Variants in SLC24A3 observed in about 807,000 individuals in gnomAD.
The protein encoded by SLC24A3 is sodium/potassium/calcium exchanger 3.
SLC24A3 carries 28 observed loss-of-function variants against 75.8 expected under a neutral mutation model. That is an observed-to-expected ratio of 0.37 (90% CI 0.27 to 0.51). The LOEUF (loss-of-function observed/expected upper bound fraction) is 0.51, where lower values mean the gene tolerates loss of function less well. Among genes scored for constraint, SLC24A3 ranks in the 20% least tolerant of loss-of-function variants. The probability of loss-of-function intolerance (pLI) is 0.94; values close to 1 mark genes in which losing one functional copy is unlikely to be tolerated. For missense variants in SLC24A3, 663 were observed against 847.8 expected (o/e 0.78, Z 2.71); for synonymous variants, 372 against 334.1 (o/e 1.11, Z -1.24).
intron 2 of SLC24A3, among the ~76,000 whole-genome samples, chr20:19,285,477 C>CAAAAA (rs35866612): frequency 8.6e-4 from 37 of 42,956 alleles, no homozygotes; most frequent in South Asian, 1.4e-3. Flanking sequence ...GACCCTGTCT[C>CAAAAA]AAAAAAAAAA....
chr20:19,567,000 A>G (rs1209898555), intron 3 of SLC24A3, among the ~76,000 whole-genome samples: 1 of 152,236 alleles, frequency 6.6e-6, no homozygotes, highest in Non-Finnish European at 1.5e-5. Flanking sequence ...TTAAAAAGTC[A>G]AAAAATAATA....
At position 19,511,910 on chromosome 20, in the gene SLC24A3, CTT is replaced by C. The variant is rs1179080127; in HGVS notation, c.272-3576_272-3575del. Among the ~76,000 whole-genome samples the C allele has an allele frequency of 2.6e-5, 4 of 152,266 alleles. No homozygotes were observed. In the East Asian group the frequency reaches 5.8e-4, roughly 22 times the overall value. On this transcript the variant is annotated intron_variant, in intron 2 of 16. Coordinates refer to ENST00000328041, the MANE Select transcript of SLC24A3 (RefSeq NM_020689.4). The stretch of plus-strand genomic sequence containing the variant: ...TTGCTATTGGCCATCAAATAAGACT[CTT>C]TGTTTTTCTTGAAGAACAGTGGTTC...
intron 6 of SLC24A3, among the ~76,000 whole-genome samples, chr20:19,598,950 G>T (rs1292451323): frequency 3.3e-5 from 5 of 151,724 alleles, no homozygotes; most frequent in African/African-American, 1.2e-4. Flanking sequence ...TTTACTCCCA[G>T]TTGCTATTTT....
chr20:19,254,154 G>T (rs1282544274), intron 1 of SLC24A3, among the ~76,000 whole-genome samples: 2 of 152,312 alleles, frequency 1.3e-5, no homozygotes, highest in East Asian at 3.9e-4. Flanking sequence ...TATTCATCCT[G>T]ACTGTAGCCT....
chr20:19,292,502 C>T (rs1007999246), intron 2 of SLC24A3, among the ~76,000 whole-genome samples: 2 of 152,146 alleles, frequency 1.3e-5, no homozygotes, highest in African/African-American at 4.8e-5. Context: ...AGGTAAGCCT[C>T]CCCGTGGAGC....
intron 12 of SLC24A3, among the ~76,000 whole-genome samples, chr20:19,688,124 G>T (rs934357637): frequency 1.3e-5 from 2 of 152,204 alleles, no homozygotes; most frequent in African/African-American, 4.8e-5. Context: ...TTCTCTAGCA[G>T]CCCTTCTCAC....
chr20:19,523,929 A>C (rs1440138660), intron 3 of SLC24A3, among the ~76,000 whole-genome samples: 1 of 152,098 alleles, frequency 6.6e-6, no homozygotes, highest in Non-Finnish European at 1.5e-5. Flanking sequence ...GGACCCTCAC[A>C]TCCTATTCTA....
intron 1 of SLC24A3, among the ~76,000 whole-genome samples, chr20:19,224,993 G>C (rs541751812): frequency 6.6e-6 from 1 of 152,262 alleles, no homozygotes; most frequent in Non-Finnish European, 1.5e-5. Flanking sequence ...GCCACTTCTT[G>C]TGACAAAAAA....
chr20:19,316,357 T>C (rs1984585860), intron 2 of SLC24A3, among the ~76,000 whole-genome samples: 2 of 152,024 alleles, frequency 1.3e-5, no homozygotes, highest in South Asian at 4.2e-4. Flanking sequence ...CTTACCAGGG[T>C]TTACATAAAA....
chr20:19,685,256 G>A lies in SLC24A3; in HGVS notation c.1219G>A (p.Ala407Thr). ...GTRRDDVVAEAGNETENENED... is the reference protein window; with the variant it reads ...GTRRDDVVAETGNETENENED... ...ACGGAGGGACGATGTTGTGGCTGAG[G>A]CTGGCAACGAAACAGAGAATGAAAA... The change falls in exon 12 of 17, where the codon GCT (alanine) becomes ACT (threonine). Residue 407 changes from alanine to threonine, a missense_variant. Coordinates refer to ENST00000328041, the MANE Select transcript of SLC24A3 (RefSeq NM_020689.4). 1.2e-6 allele frequency: 2 copies of A among 1,614,136 alleles called. No homozygotes were observed. The highest frequency in any genetic ancestry group is 2.2e-5 in the East Asian group (1 of 44,856).
chr20:19,400,194 T>G (rs1434684405), intron 2 of SLC24A3, among the ~76,000 whole-genome samples: 1 of 152,230 alleles, frequency 6.6e-6, no homozygotes, highest in Admixed American at 6.5e-5. Context: ...CATTTTTGAT[T>G]GGATATACAG....
At chr20:19,425,056 G>C (rs889159369) in intron 2 of SLC24A3, among the ~76,000 whole-genome samples, 2 of 152,132 alleles carry the variant, frequency 1.3e-5, no homozygotes, top group Non-Finnish European at 2.9e-5. Flanking sequence ...TGTAATCCCA[G>C]CACTTTGGGA....
chr20:19,266,150 T>C (rs4514946), intron 1 of SLC24A3, among the ~76,000 whole-genome samples: 27,093 of 151,338 alleles, frequency 0.18, 3,595 homozygotes, highest in East Asian at 0.69. Context: ...CTGGGGCCAA[T>C]AAGAAAAAAA....
chr20:19,248,536 T>A (rs1982560632), intron 1 of SLC24A3, among the ~76,000 whole-genome samples: 1 of 152,164 alleles, frequency 6.6e-6, no homozygotes, highest in South Asian at 2.1e-4. Context: ...GGAACCCTAG[T>A]ACCCTTTTGG....
At chr20:19,251,184 G>A (rs573053892) in intron 1 of SLC24A3, among the ~76,000 whole-genome samples, 3 of 152,170 alleles carry the variant, frequency 2.0e-5, no homozygotes, top group Non-Finnish European at 4.4e-5. Flanking sequence ...GATAATGTAA[G>A]CAAAGAGATT....
At chr20:19,667,515 T>C (rs2032414193) in intron 8 of SLC24A3, among the ~76,000 whole-genome samples, 1 of 152,206 alleles carries the variant, frequency 6.6e-6, no homozygotes, top group Non-Finnish European at 1.5e-5. Context: ...TCAACGTTGC[T>C]CAGTGGTGCT....
At chr20:19,706,668 C>T (rs1191351036) in intron 15 of SLC24A3, among the ~76,000 whole-genome samples, 1 of 151,846 alleles carries the variant, frequency 6.6e-6, no homozygotes, top group Non-Finnish European at 1.5e-5. Context: ...AGAGAAGCTG[C>T]ATGGTAAAGG....
At chr20:19,440,554 C>T (rs1987279675) in intron 2 of SLC24A3, among the ~76,000 whole-genome samples, 2 of 151,872 alleles carry the variant, frequency 1.3e-5, no homozygotes, top group Admixed American at 6.6e-5. Context: ...GAGAGGGTGC[C>T]GACAACGAAC....
rs750828047 is a variant in SLC24A3, at chr20:19,721,056, G to C, written c.1851G>C (p.Leu617=). 1.2e-6 allele frequency: 2 copies of C among 1,614,144 alleles called. No individual in the cohort carries two copies. The highest frequency in any genetic ancestry group is 8.5e-7 in the Non-Finnish European group (1 of 1,180,036). ...DKKLGCGCLL[L]YGVFLCFSIM... ...AGCTGGGCTGTGGGTGCCTCCTCCT[G>C]TATGGTGTGTTCCTGTGCTTCTCCA... is the stretch of plus-strand genomic sequence containing the variant. Residue 617 remains leucine, a synonymous_variant, in exon 17 of 17, where the codon CTG becomes CTC. Coordinates refer to ENST00000328041, the MANE Select transcript of SLC24A3 (RefSeq NM_020689.4).
Sources: gnomAD v4.1 joint callset for allele counts (sites outside exome capture counted in the v4.1 genomes callset) on GRCh38, gnomAD v4.1.1 for gene constraint, MANE v1.5 for transcripts, NCBI Gene and HGNC (gene_info 2026-07-23, HGNC 2026-07-21) for gene names.